Variants in PDE9A observed in about 807,000 individuals in gnomAD.
PDE9A encodes the protein phosphodiesterase 9A.
Under a neutral mutation model 87.4 loss-of-function variants are expected in PDE9A, and 60 were observed. The observed-to-expected ratio is 0.69, with a 90% CI of 0.56 to 0.85. The LOEUF is 0.85. Among genes scored for constraint, PDE9A ranks in the 40% least tolerant of loss-of-function variants. The pLI, the probability that PDE9A is intolerant of heterozygous loss-of-function variation, is 0.00. For missense variants in PDE9A, 665 were observed against 779.0 expected, an observed-to-expected ratio of 0.85 and a Z score of 1.74; for synonymous variants, 272 against 279.4, an observed-to-expected ratio of 0.97 and a Z score of 0.27.
Position 42,739,408 on chromosome 21 carries a change from G to A in PDE9A, c.569-4368G>A, listed in dbSNP as rs2052860056. On this transcript the variant is annotated intron_variant, in intron 7 of 19. Transcript: ENST00000291539. This position sits in a 1 kb window ranked among gnomAD's most constrained non-coding sequence, Gnocchi z 4.1. ...CAAAGCAGCCGGGTGTCCTGGAAAG[G>A]CCAGGGAGTGAGGAGGCAGGACCCC... 1.3e-5 allele frequency among the ~76,000 whole-genome samples: 2 copies of A among 152,298 alleles called. No individual in the cohort carries two copies. Among genetic ancestry groups the A allele is most frequent in the South Asian group, 4.1e-4 (2 of 4,828 alleles).
At chr21:42,732,149 C>A (rs1372111383) in intron 6 of PDE9A, 25 bp downstream of exon 6, 1 of 1,606,614 alleles carries the variant, frequency 6.2e-7, no homozygotes, top group African/African-American at 1.3e-5. Context: ...AAACTTACAA[C>A]CAGCCAGAGA....
chr21:42,717,572 A>G (rs2050070305), intron 4 of PDE9A, among the ~76,000 whole-genome samples: 1 of 150,648 alleles, frequency 6.6e-6, no homozygotes, highest in African/African-American at 2.4e-5. Context: ...TTGTATTTTT[A>G]GTAGAGACGA....
intron 4 of PDE9A, among the ~76,000 whole-genome samples, chr21:42,731,333 T>C (rs2051712409): frequency 6.6e-6 from 1 of 152,174 alleles, no homozygotes; most frequent in Non-Finnish European, 1.5e-5. Context: ...CGTAAACTTA[T>C]GACTAAGCCT....
chr21:42,733,022 G>A (rs867926823), intron 6 of PDE9A, among the ~76,000 whole-genome samples: 10 of 152,374 alleles, frequency 6.6e-5, no homozygotes, highest in East Asian at 1.9e-4. Context: ...AGGGGAAGGT[G>A]CGGGGACTGG....
intron 7 of PDE9A, among the ~76,000 whole-genome samples, chr21:42,738,126 C>A (rs886347881): frequency 3.3e-5 from 5 of 152,202 alleles, no homozygotes; most frequent in African/African-American, 1.2e-4. Flanking sequence ...GGGCACAGGG[C>A]AGCTCTGCTC....
At chr21:42,665,394 G>A (rs756450552) in intron 1 of PDE9A, among the ~76,000 whole-genome samples, 6 of 152,180 alleles carry the variant, frequency 3.9e-5, no homozygotes, top group Non-Finnish European at 5.9e-5. Context: ...TGAGGGACTG[G>A]TTGGCTCTTA....
intron 4 of PDE9A, among the ~76,000 whole-genome samples, chr21:42,720,208 C>T (rs544830217): frequency 5.3e-5 from 8 of 152,230 alleles, no homozygotes; most frequent in African/African-American, 1.9e-4. Flanking sequence ...GAAGTTTACC[C>T]CTCCGCCAGG....
chr21:42,740,149 T>C (rs966458905), intron 7 of PDE9A, among the ~76,000 whole-genome samples: 2 of 151,972 alleles, frequency 1.3e-5, no homozygotes, highest in African/African-American at 4.8e-5. Context: ...AATAGAAAGA[T>C]AGGTAGAGGC....
At chr21:42,728,773 G>A (rs2051405693) in intron 4 of PDE9A, among the ~76,000 whole-genome samples, 1 of 152,100 alleles carries the variant, frequency 6.6e-6, no homozygotes, top group Non-Finnish European at 1.5e-5. Flanking sequence ...GCCAAGGCAG[G>A]CAGATCACTT....
intron 1 of PDE9A, among the ~76,000 whole-genome samples, chr21:42,676,089 G>C (rs2058831879): frequency 6.6e-6 from 1 of 152,152 alleles, no homozygotes; most frequent in African/African-American, 2.4e-5. Flanking sequence ...TGATATGCCT[G>C]CTCCTGTTTC....
rs997509405 is a variant in PDE9A at position 42,675,406 on chromosome 21, G to A, written c.70-10786G>A. On this transcript the variant is annotated intron_variant, in intron 1 of 19. Transcript: ENST00000291539. The surrounding 1 kb of genome is among the most constrained non-coding windows in gnomAD (Gnocchi z 4.3). ...AGGGCATTGGTTGGGGTATAAATCC[G>A]GGGGTGCAGTGGAGATTAGATTAGA... 3.3e-5 allele frequency among the ~76,000 whole-genome samples: 5 copies of A among 152,216 alleles called. No individual in the cohort carries two copies. The highest frequency in any genetic ancestry group is 1.3e-4 in the Admixed American group (2 of 15,278).
intron 4 of PDE9A, among the ~76,000 whole-genome samples, chr21:42,728,492 A>G (rs1213469683): frequency 6.6e-6 from 1 of 152,246 alleles, no homozygotes; most frequent in African/African-American, 2.4e-5. Context: ...ATTGGAGACT[A>G]CATTGATTGG....
chr21:42,769,247 G>A, intron 17 of PDE9A, 92 bp downstream of exon 17: 3 of 1,215,148 alleles, frequency 2.5e-6, no homozygotes, highest in Admixed American at 1.9e-5. Flanking sequence ...ATGCACACAG[G>A]TACACACAGA....
intron 4 of PDE9A, among the ~76,000 whole-genome samples, chr21:42,713,177 C>T (rs2049503177): frequency 6.6e-6 from 1 of 152,184 alleles, no homozygotes; most frequent in Non-Finnish European, 1.5e-5. Context: ...CTCTGTCACC[C>T]AGGCTGGAGT....
chr21:42,738,984 C>T (rs1408397827), intron 7 of PDE9A, among the ~76,000 whole-genome samples: 1 of 152,224 alleles, frequency 6.6e-6, no homozygotes, highest in African/African-American at 2.4e-5. Context: ...AGCCACTGCG[C>T]CCGGCCTACA....
intron 3 of PDE9A, among the ~76,000 whole-genome samples, chr21:42,688,891 A>G (rs893470827): frequency 3.9e-5 from 6 of 152,076 alleles, no homozygotes; most frequent in Admixed American, 6.5e-5. Flanking sequence ...GTGAGGTCCC[A>G]GTGGGCGTGG....
chr21:42,742,376 T>TTAAG (rs1427161852), intron 7 of PDE9A, among the ~76,000 whole-genome samples: 3 of 151,680 alleles, frequency 2.0e-5, no homozygotes, highest in African/African-American at 7.3e-5. Context: ...AAGGATAACT[T>TTAAG]AGTGGGTGGT....
chr21:42,678,052 A>T (rs13048734), intron 1 of PDE9A, among the ~76,000 whole-genome samples: 3,494 of 152,378 alleles, frequency 0.023, 66 homozygotes, highest in South Asian at 0.046. Context: ...AATCCAAACT[A>T]GAGTCTGACA....
chr21:42,767,014 G>A (rs576860785), intron 15 of PDE9A, among the ~76,000 whole-genome samples: 30 of 152,206 alleles, frequency 2.0e-4, no homozygotes, highest in Admixed American at 2.6e-4. Flanking sequence ...GAGGCAAAGC[G>A]AGGCTCAGAG....
Sources: allele counts gnomAD v4.1 joint callset (sites outside exome capture counted in the v4.1 genomes callset), GRCh38; gene constraint gnomAD v4.1.1; non-coding constraint Gnocchi (gnomAD v3.1); transcripts MANE v1.5; gene names NCBI Gene and HGNC (gene_info 2026-07-23, HGNC 2026-07-21).